Variants in ZNF729 observed in about 807,000 individuals in gnomAD.
ZNF729 encodes zinc finger protein 729.
ZNF729 carries 15 observed loss-of-function variants against 12.2 expected under a neutral mutation model. That is an observed-to-expected ratio of 1.23 (90% CI 0.82 to 1.89). The LOEUF is 1.89. Among genes scored for constraint, ZNF729 ranks in the 40% most tolerant of loss-of-function variants. The pLI is 0.00. For synonymous variants in ZNF729, 492 were observed against 476.3 expected, an observed-to-expected ratio of 1.03 and a Z score of -0.43; for missense variants, 1,540 against 1,456.7, an observed-to-expected ratio of 1.06 and a Z score of -0.93.
In ZNF729 at chr19:22,316,834, A is replaced by T; in HGVS notation, c.3417A>T (p.Lys1139Asn). ...EKPYKCEECG[K>N]AFSQSSILTK... The stretch of plus-strand genomic sequence containing the variant: ...CCTACAAATGTGAAGAATGTGGCAA[A>T]GCCTTTAGTCAGTCCTCAATCCTTA... Residue 1139 changes from lysine to asparagine, a missense_variant, in exon 4 of 4, where the codon AAA becomes AAT. Coordinates refer to ENST00000601693, the MANE Select transcript of ZNF729 (RefSeq NM_001242680.2). The T allele has an allele frequency of 6.2e-7, 1 of 1,613,222 alleles. No homozygotes were observed. The highest frequency in any genetic ancestry group is 2.2e-5 in the East Asian group (1 of 44,848).
At position 22,316,243 on chromosome 19, in the gene ZNF729, C is replaced by T. The variant is rs1281258365; in HGVS notation, c.2826C>T (p.Gly942=). 1 of 1,613,400 alleles carries T rather than the reference C, an allele frequency of 6.2e-7. No homozygotes were observed. Residue 942 remains glycine (G), a synonymous_variant, in exon 4 of 4, where the codon GGC becomes GGT. Transcript: ENST00000601693. ...GKKPYKCEEC[G]KAFNDSSTLM... is the part of the protein sequence containing the mutation. ...AACCCTACAAATGTGAAGAATGTGG[C>T]AAAGCTTTTAATGATTCCTCAACCC... is the stretch of plus-strand genomic sequence containing the variant.
Position 22,315,611 on chromosome 19 carries a change from G to C in ZNF729, c.2194G>C (p.Val732Leu). ...KWSSKLTVHK[V>L]IHTAEKPCKC... ...GTCATCAAAACTTACTGTACATAAG[G>C]TAATTCATACTGCAGAGAAACCCTG... is the stretch of plus-strand genomic sequence containing the variant. Residue 732 changes from valine (V) to leucine (L), a missense_variant, in exon 4 of 4, where the codon GTA (valine) becomes CTA (leucine). Val to Leu is a conservative substitution (Grantham distance 32). Transcript: ENST00000601693. 6.2e-7 allele frequency: 1 copy of C among 1,608,202 alleles called. No homozygotes were observed. Among genetic ancestry groups the C allele is most frequent in the Non-Finnish European group, 8.5e-7 (1 of 1,178,868 alleles).
At chr19:22,300,026 C>A (rs1343966432) in intron 1 of ZNF729, among the ~76,000 whole-genome samples, 2 of 152,194 alleles carry the variant, frequency 1.3e-5, no homozygotes, top group Non-Finnish European at 2.9e-5. Context: ...GCCAAGTGCT[C>A]AGGGAGTAGA....
Position 22,286,570 on chromosome 19 carries a change from T to A in ZNF729, c.30+15T>A, listed in dbSNP as rs1202572587. On this transcript the variant is annotated intron_variant, in intron 1 of 3. Coordinates refer to ENST00000601693, the MANE Select transcript of ZNF729 (RefSeq NM_001242680.2). ...GCCTAGAAATGGTGAGAGTGCCGGG[T>A]CCGACATCCCGAGAAGGGGAAGGGG... 2 of 1,613,670 alleles carry A rather than the reference T, an allele frequency of 1.2e-6. No homozygotes were observed. The highest frequency in any genetic ancestry group is 8.5e-7 in the Non-Finnish European group (1 of 1,179,922).
At chr19:22,298,491 G>C (rs1229703565) in intron 1 of ZNF729, among the ~76,000 whole-genome samples, 2 of 151,960 alleles carry the variant, frequency 1.3e-5, no homozygotes, top group African/African-American at 4.8e-5. Flanking sequence ...ATCTAATAGG[G>C]ATAACTATAG....
At chr19:22,286,961 T>C (rs776866298) in intron 1 of ZNF729, among the ~76,000 whole-genome samples, 2 of 152,214 alleles carry the variant, frequency 1.3e-5, no homozygotes, top group Non-Finnish European at 2.9e-5. Flanking sequence ...TTTATGGCGG[T>C]CACCACTAAA....
chr19:22,290,238 A>G (rs1968134752), intron 1 of ZNF729, among the ~76,000 whole-genome samples: 1 of 152,176 alleles, frequency 6.6e-6, no homozygotes, highest in African/African-American at 2.4e-5. Flanking sequence ...ATCCTGAGAG[A>G]AACTACATAG....
At chr19:22,300,570 C>T (rs1039990700) in intron 1 of ZNF729, among the ~76,000 whole-genome samples, 2 of 152,212 alleles carry the variant, frequency 1.3e-5, no homozygotes, top group African/African-American at 4.8e-5. Context: ...CTGCAAAGTG[C>T]ATACTGTCCC....
At position 22,315,602 on chromosome 19, in the gene ZNF729, G is replaced by A. The variant is rs761649605; in HGVS notation, c.2185G>A (p.Val729Ile). 1.9e-6 allele frequency: 3 copies of A among 1,606,524 alleles called. No homozygotes were observed. The highest frequency in any genetic ancestry group is 1.3e-5 in the African/African-American group (1 of 74,280). ...TTTTAAGTGGTCATCAAAACTTACTGTACATAAGGTAATTCATACTGCAGA... is the reference window on the plus strand; with the variant it reads ...TTTTAAGTGGTCATCAAAACTTACTATACATAAGGTAATTCATACTGCAGA... ...KAFKWSSKLT[V>I]HKVIHTAEKP... is the part of the protein sequence containing the mutation. The change falls in exon 4 of 4, where the codon GTA (valine) becomes ATA (isoleucine). Residue 729 changes from valine (V) to isoleucine (I), a missense_variant. Transcript: ENST00000601693.
chr19:22,309,198 GC>G (rs1008078782), intron 3 of ZNF729, among the ~76,000 whole-genome samples: 1 of 152,162 alleles, frequency 6.6e-6, no homozygotes, highest in African/African-American at 2.4e-5. Context: ...TGTAATCCCA[GC>G]CCTTTGGGAG....
intron 3 of ZNF729, among the ~76,000 whole-genome samples, chr19:22,312,064 G>A (rs1411236540): frequency 6.6e-6 from 1 of 152,058 alleles, no homozygotes. Context: ...TAGGTGAATA[G>A]CAAGCCATTT....
intron 1 of ZNF729, among the ~76,000 whole-genome samples, chr19:22,289,128 G>A (rs894952724): frequency 1.3e-5 from 2 of 151,894 alleles, no homozygotes; most frequent in African/African-American, 4.8e-5. Context: ...CATTTTGTTA[G>A]TAGGGATTGA....
intron 1 of ZNF729, among the ~76,000 whole-genome samples, chr19:22,288,175 A>G (rs1599750414): frequency 2.6e-5 from 4 of 152,050 alleles, no homozygotes; most frequent in Admixed American, 2.6e-4. Context: ...CATTTTTGAT[A>G]CCATGTTTTA....
At chr19:22,306,500 G>GTT (rs542245598) in intron 3 of ZNF729, among the ~76,000 whole-genome samples, 5 of 143,032 alleles carry the variant, frequency 3.5e-5, no homozygotes, top group African/African-American at 1.3e-4. Context: ...TCTGTTTTAT[G>GTT]TTTTTTTTTT....
intron 1 of ZNF729, among the ~76,000 whole-genome samples, chr19:22,302,850 C>T (rs960348244): frequency 3.7e-5 from 4 of 108,876 alleles, no homozygotes; most frequent in South Asian, 3.1e-4. Flanking sequence ...AGTGCAGTGG[C>T]GCAATCTCAG....
rs1968486164 is a variant in ZNF729, at chr19:22,314,062, A to C, written c.645A>C (p.Lys215Asn). Residue 215 changes from lysine to asparagine, a missense_variant, in exon 4 of 4, where the codon AAA becomes AAC. Coordinates refer to ENST00000601693, the MANE Select transcript of ZNF729 (RefSeq NM_001242680.2). ...TCTACAAATGTGAAGAACGTGGCAA[A>C]GCCTTTAAATCGTTCTCAACCCTTA... ...QNIYKCEERGKAFKSFSTLTK... is the reference protein window; with the variant it reads ...QNIYKCEERGNAFKSFSTLTK... 2.6e-6 allele frequency: 4 copies of C among 1,543,358 alleles called. No individual in the cohort carries two copies. In the South Asian group the frequency reaches 4.8e-5, roughly 19 times the overall value.
chr19:22,292,419 T>G (rs1234579095), intron 1 of ZNF729, among the ~76,000 whole-genome samples: 1 of 152,160 alleles, frequency 6.6e-6, no homozygotes, highest in African/African-American at 2.4e-5. Flanking sequence ...ATGTACCATA[T>G]TTTGTTTTCA....
At chr19:22,306,295 C>T (rs1017794823) in intron 3 of ZNF729, among the ~76,000 whole-genome samples, 1 of 151,692 alleles carries the variant, frequency 6.6e-6, no homozygotes, top group African/African-American at 2.4e-5. Flanking sequence ...AAAAATTAGC[C>T]AGGCATGGTG....
At chr19:22,302,742 T>TAA (rs1968329232) in intron 1 of ZNF729, among the ~76,000 whole-genome samples, 1 of 152,312 alleles carries the variant, frequency 6.6e-6, no homozygotes. Flanking sequence ...TTGGAGGCCT[T>TAA]ATTTAGGTCA....
Sources: gnomAD v4.1 joint callset for allele counts (sites outside exome capture counted in the v4.1 genomes callset) on GRCh38, gnomAD v4.1.1 for gene constraint, MANE v1.5 for transcripts, NCBI Gene and HGNC (gene_info 2026-07-23, HGNC 2026-07-21) for gene names.